The following SUGCT variants were observed in gnomAD, a reference collection of about 807,000 sequenced individuals.
SUGCT encodes the protein succinyl-CoA:glutarate CoA-transferase.
A neutral mutation model predicts 55.0 loss-of-function variants in SUGCT; 41 were observed. The ratio of observed to expected loss-of-function variants is 0.74; its 90% CI spans 0.58 to 0.97. SUGCT has a LOEUF of 0.97. SUGCT is among the 50% of genes least tolerant of loss of function. The probability of loss-of-function intolerance (pLI) is 0.00; values close to 1 mark genes in which losing one functional copy is unlikely to be tolerated. For missense variants in SUGCT, 568 were observed against 547.8 expected (o/e 1.04, Z -0.37); for synonymous variants, 187 against 200.4 (o/e 0.93, Z 0.56).
intron 12 of SUGCT, among the ~76,000 whole-genome samples, chr7:40,537,855 G>A (rs1163795747): frequency 1.3e-5 from 2 of 152,136 alleles, no homozygotes; most frequent in African/African-American, 2.4e-5. Context: ...ACTACATTAT[G>A]AGCAAGAGAA....
the SUGCT span, among the ~76,000 whole-genome samples, chr7:40,890,401 A>T: frequency 6.6e-6 from 1 of 150,800 alleles, no homozygotes; most frequent in African/African-American, 2.4e-5. Flanking sequence ...ACCCTTGTGG[A>T]CCCAGGCTCT....
At chr7:40,670,635 C>G (rs1390551179) in intron 12 of SUGCT, among the ~76,000 whole-genome samples, 2 of 152,196 alleles carry the variant, frequency 1.3e-5, no homozygotes, top group Admixed American at 6.6e-5. Flanking sequence ...CTGCCTCAGC[C>G]TCTTGAGTGG....
intron 6 of SUGCT, among the ~76,000 whole-genome samples, chr7:40,233,814 A>G (rs995382066): frequency 8.5e-5 from 13 of 152,208 alleles, no homozygotes; most frequent in South Asian, 2.1e-4. Flanking sequence ...TAAGAAATCT[A>G]TGAGATAAAT....
In SUGCT at chr7:40,188,559, C is replaced by T. The variant is rs1426933166; in HGVS notation, c.291C>T (p.Leu97=). 2 of 1,603,810 alleles carry T rather than the reference C, an allele frequency of 1.2e-6. No homozygotes were observed. The highest frequency in any genetic ancestry group is 1.7e-6 in the Non-Finnish European group (2 of 1,176,736). Residue 97 remains leucine, a synonymous_variant, in exon 4 of 14, where the codon CTC becomes CTT. Coordinates refer to ENST00000335693, the MANE Select transcript of SUGCT (RefSeq NM_001193313.2). ...PFVGTESTYY[L]SVNRNKKSIA... ...TTGGGACAGAAAGTACATATTATCTCAGTGTTAACCGAAATAAAAAAGTAA... is the reference window on the plus strand; with the variant it reads ...TTGGGACAGAAAGTACATATTATCTTAGTGTTAACCGAAATAAAAAAGTAA...
At chr7:40,643,913 G>T (rs902844808) in intron 12 of SUGCT, among the ~76,000 whole-genome samples, 1 of 152,180 alleles carries the variant, frequency 6.6e-6, no homozygotes, top group Non-Finnish European at 1.5e-5. Flanking sequence ...CTTTCTGTCA[G>T]CCCAGTTTGC....
At chr7:40,222,910 A>C (rs1212486567) in intron 6 of SUGCT, among the ~76,000 whole-genome samples, 1 of 152,070 alleles carries the variant, frequency 6.6e-6, no homozygotes, top group African/African-American at 2.4e-5. Flanking sequence ...TTACAGGCAT[A>C]AGCTACCATG....
At chr7:41,034,749 G>T in the SUGCT span, among the ~76,000 whole-genome samples, 2 of 152,096 alleles carry the variant, frequency 1.3e-5, no homozygotes, top group African/African-American at 4.8e-5. Context: ...CCTTCAGTCT[G>T]CCCTTCTTTC....
chr7:40,184,671 C>T (rs1341734798), intron 3 of SUGCT, among the ~76,000 whole-genome samples: 1 of 152,012 alleles, frequency 6.6e-6, no homozygotes, highest in Non-Finnish European at 1.5e-5. Flanking sequence ...CAAAAATTAG[C>T]ATTATTATTT....
chr7:40,349,981 C>T (rs987458014), intron 9 of SUGCT, among the ~76,000 whole-genome samples: 1 of 152,172 alleles, frequency 6.6e-6, no homozygotes, highest in East Asian at 1.9e-4. Flanking sequence ...AGCCACTGCA[C>T]CCAGCTTTTC....
chr7:40,886,151 G>A, the SUGCT span, among the ~76,000 whole-genome samples: 9 of 152,182 alleles, frequency 5.9e-5, no homozygotes, highest in Admixed American at 5.9e-4. Context: ...CTAAAACAAT[G>A]CATGATAGAG....
the SUGCT span, among the ~76,000 whole-genome samples, chr7:41,033,636 T>A: frequency 6.6e-6 from 1 of 152,122 alleles, no homozygotes; most frequent in South Asian, 2.1e-4. Context: ...AATGTGCACA[T>A]GCAGGAATTT....
intron 12 of SUGCT, among the ~76,000 whole-genome samples, chr7:40,608,915 C>A (rs17171748): frequency 2.0e-5 from 3 of 152,064 alleles, no homozygotes; most frequent in East Asian, 1.9e-4. Context: ...AGAACAGCTC[C>A]GAGTTGTAGT....
chr7:40,439,595 C>A (rs1788388349), intron 9 of SUGCT, among the ~76,000 whole-genome samples: 1 of 152,144 alleles, frequency 6.6e-6, no homozygotes, highest in African/African-American at 2.4e-5. Context: ...GTTAACTGGT[C>A]CCGGTGCTAC....
At chr7:40,472,251 G>A (rs751968319) in intron 11 of SUGCT, among the ~76,000 whole-genome samples, 3 of 152,126 alleles carry the variant, frequency 2.0e-5, no homozygotes, top group Non-Finnish European at 2.9e-5. Context: ...CAATTGCAGA[G>A]TTGTTCACAA....
intron 1 of SUGCT, chr7:40,151,583 A>T (rs1350139833): frequency 4.4e-6 from 1 of 226,812 alleles, no homozygotes; most frequent in Non-Finnish European, 9.9e-6. Context: ...AGAGCCTGGG[A>T]CAGTGTTAGG....
intron 12 of SUGCT, among the ~76,000 whole-genome samples, chr7:40,574,818 C>T (rs990374208): frequency 6.6e-6 from 1 of 152,168 alleles, no homozygotes; most frequent in Non-Finnish European, 1.5e-5. Flanking sequence ...TACTATGTTA[C>T]AAATAACCGT....
intron 13 of SUGCT, among the ~76,000 whole-genome samples, chr7:40,807,907 T>C (rs1197678706): frequency 6.6e-6 from 1 of 152,316 alleles, no homozygotes; most frequent in African/African-American, 2.4e-5. Flanking sequence ...GCCAGAAGAC[T>C]AAACCAGTCT....
At chr7:40,282,469 A>G (rs1793022619) in intron 8 of SUGCT, among the ~76,000 whole-genome samples, 1 of 145,618 alleles carries the variant, frequency 6.9e-6, no homozygotes, top group Admixed American at 7.1e-5. Context: ...CGCTGTCTCA[A>G]AAATACTGAA....
chr7:40,327,518 C>G (rs1008627068), intron 9 of SUGCT, among the ~76,000 whole-genome samples: 1 of 152,160 alleles, frequency 6.6e-6, no homozygotes, highest in African/African-American at 2.4e-5. Flanking sequence ...AATGCACTTA[C>G]AACTGTTCAA....
Sources: allele counts gnomAD v4.1 joint callset (sites outside exome capture counted in the v4.1 genomes callset), GRCh38; gene constraint gnomAD v4.1.1; transcripts MANE v1.5; gene names NCBI Gene and HGNC (gene_info 2026-07-23, HGNC 2026-07-21).